Variants in ADAD1 observed in about 807,000 individuals in gnomAD.
The protein encoded by ADAD1 is adenosine deaminase domain-containing protein 1.
Under a neutral mutation model 66.8 loss-of-function variants are expected in ADAD1, and 46 were observed. That is an observed-to-expected ratio of 0.69 (90% confidence interval 0.54 to 0.88). The LOEUF is 0.88. Ranked by LOEUF, ADAD1 falls within the 40% of genes least tolerant of loss-of-function variation. ADAD1 has a pLI of 0.00. For synonymous variants in ADAD1, 248 were observed against 229.4 expected, an observed-to-expected ratio of 1.08 and a Z score of -0.73; for missense variants, 617 against 681.8, an observed-to-expected ratio of 0.91 and a Z score of 1.06.
intron 12 of ADAD1, among the ~76,000 whole-genome samples, chr4:122,425,193 C>G (rs1161739566): frequency 6.6e-6 from 1 of 152,000 alleles, no homozygotes; most frequent in Non-Finnish European, 1.5e-5. Flanking sequence ...ACACTACCAA[C>G]CAATCAAAAC....
chr4:122,387,513 A>G (rs1277537255), intron 5 of ADAD1, among the ~76,000 whole-genome samples: 2 of 152,088 alleles, frequency 1.3e-5, no homozygotes, highest in African/African-American at 4.8e-5. Context: ...CTCTCTTCTT[A>G]TTTGAATACC....
intron 7 of ADAD1, among the ~76,000 whole-genome samples, chr4:122,401,618 G>A (rs1446456601): frequency 1.3e-5 from 2 of 152,032 alleles, no homozygotes; most frequent in African/African-American, 4.8e-5. Context: ...CTATTATTGT[G>A]TTGCCGTCTA....
chr4:122,425,521 A>T (rs1797191644), intron 12 of ADAD1, among the ~76,000 whole-genome samples: 1 of 152,038 alleles, frequency 6.6e-6, no homozygotes, highest in Admixed American at 6.6e-5. Flanking sequence ...TATGGAATAC[A>T]GGTGGCCATT....
intron 5 of ADAD1, among the ~76,000 whole-genome samples, chr4:122,384,962 A>G (rs1211829289): frequency 6.6e-6 from 1 of 152,180 alleles, no homozygotes; most frequent in African/African-American, 2.4e-5. Context: ...TTAACGATAT[A>G]TTCTGTCTTG....
intron 6 of ADAD1, among the ~76,000 whole-genome samples, chr4:122,396,043 T>G (rs1795694548): frequency 6.6e-6 from 1 of 152,196 alleles, no homozygotes; most frequent in South Asian, 2.1e-4. Context: ...TACTGACACA[T>G]CTTTTTATAA....
chr4:122,403,801 G>T (rs1189186439), intron 7 of ADAD1, among the ~76,000 whole-genome samples: 1 of 152,174 alleles, frequency 6.6e-6, no homozygotes. Flanking sequence ...AAAACCATCA[G>T]ATAGAAGCAG....
chr4:122,418,447 C>T (rs904182894), intron 11 of ADAD1, among the ~76,000 whole-genome samples: 3 of 151,698 alleles, frequency 2.0e-5, no homozygotes, highest in Admixed American at 6.6e-5. Flanking sequence ...CTCAGCCTCC[C>T]GAGTAGCTGA....
chr4:122,411,936 A>G (rs780498657), intron 9 of ADAD1, among the ~76,000 whole-genome samples: 2 of 152,182 alleles, frequency 1.3e-5, no homozygotes, highest in Admixed American at 6.5e-5. Context: ...CACTACTCAC[A>G]TACAAATACG....
At chr4:122,394,254 T>A (rs565102807) in intron 6 of ADAD1, among the ~76,000 whole-genome samples, 1 of 152,296 alleles carries the variant, frequency 6.6e-6, no homozygotes, top group South Asian at 2.1e-4. Context: ...GTAACTAATA[T>A]TATTTTATTA....
intron 5 of ADAD1, among the ~76,000 whole-genome samples, chr4:122,392,048 GTCTT>G (rs1288282705): frequency 5.9e-5 from 9 of 152,274 alleles, no homozygotes; most frequent in South Asian, 4.1e-4. Flanking sequence ...ATCTTGTACA[GTCTT>G]TCTTTCTTTG....
intron 11 of ADAD1, among the ~76,000 whole-genome samples, chr4:122,419,920 A>G (rs1207433855): frequency 6.6e-6 from 1 of 152,238 alleles, no homozygotes; most frequent in Admixed American, 6.5e-5. Flanking sequence ...TAGTCAAAAA[A>G]TATTATCATG....
chr4:122,414,830 AATT>A (rs1354811265), intron 10 of ADAD1, among the ~76,000 whole-genome samples: 1 of 152,124 alleles, frequency 6.6e-6, no homozygotes, highest in Non-Finnish European at 1.5e-5. Context: ...CTCCTTCAAT[AATT>A]ATTATAACTG....
intron 8 of ADAD1, among the ~76,000 whole-genome samples, chr4:122,408,852 C>T (rs1224661979): frequency 6.6e-6 from 1 of 151,170 alleles, no homozygotes; most frequent in East Asian, 1.9e-4. Flanking sequence ...CACTGCTCTC[C>T]ATCATGGGCA....
At position 122,407,951 on chromosome 4, in the gene ADAD1, T is replaced by C; in HGVS notation, c.768T>C (p.Asn256=). The C allele has an allele frequency of 6.2e-7, 1 of 1,613,792 alleles. No individual in the cohort carries two copies. The highest frequency in any genetic ancestry group is 8.5e-7 in the Non-Finnish European group (1 of 1,179,808). Residue 256 remains asparagine, a synonymous_variant, in exon 8 of 13, where the codon AAT becomes AAC. Transcript: ENST00000296513. ...TAGCTATAGGCACAGGTGAATACAATTACAGCCAGGACATTAAGCCAGATG... is the reference window on the plus strand; with the variant it reads ...TAGCTATAGGCACAGGTGAATACAACTACAGCCAGGACATTAAGCCAGATG... ...EVVAIGTGEY[N]YSQDIKPDGR...
chr4:122,396,381 A>G lies in ADAD1; in HGVS notation c.724+4A>G. 6.4e-7 allele frequency: 1 copy of G among 1,563,014 alleles called. No individual in the cohort carries two copies. The highest frequency in any genetic ancestry group is 8.6e-7 in the Non-Finnish European group (1 of 1,161,242). ...GCTGCTTTTATAATTGAAAGAGGTA[A>G]GTCCACATATTTGGGAAAAACTAAT... is the stretch of plus-strand genomic sequence containing the variant. On this transcript the variant is annotated splice_donor_region_variant and intron_variant, in intron 7 of 12. Coordinates refer to ENST00000296513, the MANE Select transcript of ADAD1 (RefSeq NM_139243.4).
At position 122,420,210 on chromosome 4, in the gene ADAD1, G is replaced by C. The variant is rs185494609; in HGVS notation, c.1488-1051G>C. Reference sequence around the variant, plus strand: ...ATTTTGTACACATGAGTGTATGTTAGCTATTGCTGTGTATAAACTACCTCA... The same window carrying C: ...ATTTTGTACACATGAGTGTATGTTACCTATTGCTGTGTATAAACTACCTCA... On this transcript the variant is annotated intron_variant, in intron 11 of 12. Coordinates refer to ENST00000296513, the MANE Select transcript of ADAD1 (RefSeq NM_139243.4). Among the ~76,000 whole-genome samples the C allele has an allele frequency of 2.6e-5, 4 of 152,200 alleles. No individual in the cohort carries two copies. The East Asian group carries it at 5.8e-4, about 22-fold the overall frequency.
Position 122,381,002 on chromosome 4 carries a change from A to T in ADAD1, c.183A>T (p.Pro61=). ...AACATTTGTTTTTAGGTAATTTTCC[A>T]GAGCCGTTGCTTTCCAAGAATCTTT... The part of the protein sequence containing the change: ...SKVTQVTGNF[P]EPLLSKNLSS... Residue 61 remains proline (P), a synonymous_variant, in exon 4 of 13, where the codon CCA becomes CCT. Coordinates refer to ENST00000296513, the MANE Select transcript of ADAD1 (RefSeq NM_139243.4). The T allele has an allele frequency of 6.3e-7, 1 of 1,588,510 alleles. No individual in the cohort carries two copies. Among genetic ancestry groups the T allele is most frequent in the Non-Finnish European group, 8.5e-7 (1 of 1,174,360 alleles).
chr4:122,390,907 A>G (rs1795402644), intron 5 of ADAD1, among the ~76,000 whole-genome samples: 1 of 152,040 alleles, frequency 6.6e-6, no homozygotes, highest in African/African-American at 2.4e-5. Context: ...CTTGATGGAG[A>G]GACATCGTGA....
At chr4:122,400,078 C>G (rs1056702882) in intron 7 of ADAD1, among the ~76,000 whole-genome samples, 5 of 151,942 alleles carry the variant, frequency 3.3e-5, no homozygotes, top group African/African-American at 1.2e-4. Flanking sequence ...TTGTCTTGTT[C>G]CAGTTCTTTC....
Sources: gnomAD v4.1 joint callset for allele counts (sites outside exome capture counted in the v4.1 genomes callset) on GRCh38, gnomAD v4.1.1 for gene constraint, MANE v1.5 for transcripts, NCBI Gene and HGNC (gene_info 2026-07-23, HGNC 2026-07-21) for gene names.